Variants in ACSL1 observed in about 807,000 individuals in gnomAD.
ACSL1 encodes long-chain-fatty-acid--CoA ligase 1.
ACSL1 carries 41 observed loss-of-function variants against 98.4 expected under a neutral mutation model. That is an observed-to-expected ratio of 0.42 (90% confidence interval 0.32 to 0.54). The LOEUF (loss-of-function observed/expected upper bound fraction) is 0.54. ACSL1 is among the 20% of genes least tolerant of loss of function. The pLI, the probability that ACSL1 is intolerant of heterozygous loss-of-function variation, is 0.13. For synonymous variants in ACSL1, 316 were observed against 322.7 expected (o/e 0.98, Z 0.22); for missense variants, 734 against 883.1 (o/e 0.83, Z 2.14).
At position 184,763,190 on chromosome 4, in the gene ACSL1, T is replaced by C. The variant is rs769235113; in HGVS notation, c.1498A>G (p.Met500Val). The C allele has an allele frequency of 1.9e-6, 3 of 1,613,874 alleles. No homozygotes were observed. The highest frequency in any genetic ancestry group is 2.5e-6 in the Non-Finnish European group (3 of 1,179,998). Residue 500 changes from methionine (M) to valine (V), a missense_variant, in exon 16 of 21, where the codon ATG becomes GTG. Coordinates refer to ENST00000281455, the MANE Select transcript of ACSL1 (RefSeq NM_001995.5). ...KLVDVEEMNYMAAEGEGEVCV... is the reference protein window; with the variant it reads ...KLVDVEEMNYVAAEGEGEVCV... The stretch of plus-strand genomic sequence containing the variant: ...ACCTCGCCCTCGCCCTCGGCAGCCA[T>C]GTAATTCATTTCTTCCACATCAACA...
intron 1 of ACSL1, among the ~76,000 whole-genome samples, chr4:184,816,168 C>G (rs1772615663): frequency 6.6e-6 from 1 of 151,840 alleles, no homozygotes; most frequent in Admixed American, 6.6e-5. Flanking sequence ...TAATCACAGG[C>G]TATGAGGTTC....
chr4:184,777,149 G>A (rs908024830), intron 5 of ACSL1, among the ~76,000 whole-genome samples, 166 bp from the exon 6 acceptor site: 1 of 152,204 alleles, frequency 6.6e-6, no homozygotes, highest in African/African-American at 2.4e-5. Flanking sequence ...TTCAGAATGA[G>A]AACAAAACAC....
chr4:184,774,905 T>C (rs1765055430), intron 7 of ACSL1, among the ~76,000 whole-genome samples: 1 of 152,256 alleles, frequency 6.6e-6, no homozygotes, highest in African/African-American at 2.4e-5. Flanking sequence ...GCAATAATTC[T>C]GTACATTTTT....
chr4:184,805,517 A>T (rs1223206800), intron 1 of ACSL1: 8 of 985,522 alleles, frequency 8.1e-6, no homozygotes, highest in Non-Finnish European at 9.6e-6. Context: ...CACTTAACAA[A>T]ACCACTCACC....
chr4:184,763,118 G>T (rs772853841), intron 16 of ACSL1, 49 bp downstream of exon 16: 15 of 1,590,026 alleles, frequency 9.4e-6, no homozygotes, highest in African/African-American at 1.4e-5. Context: ...AAAGGCCAGC[G>T]ATCACAGGAA....
Position 184,766,891 on chromosome 4 carries a change from C to T in ACSL1, c.1129-135G>A. 3.1e-6 allele frequency: 3 copies of T among 976,088 alleles called. No homozygotes were observed. Among genetic ancestry groups the T allele is most frequent in the South Asian group, 1.7e-5 (1 of 59,984 alleles). 60.5% of individuals were successfully genotyped at this position (976,088 alleles called of 1,614,324 possible). On this transcript the variant is annotated intron_variant, in intron 12 of 20. Transcript: ENST00000281455. The surrounding 1 kb of genome is among the most constrained non-coding windows in gnomAD (Gnocchi z 4.8). ...AGCTGCTCTGACAGCCTGGCCGGTC[C>T]TCTAACGGCCCCACATGGTCAGCAC...
intron 1 of ACSL1, chr4:184,815,000 G>A (rs1357770982): frequency 2.2e-6 from 1 of 455,928 alleles, no homozygotes; most frequent in Non-Finnish European, 4.4e-6. Flanking sequence ...ATACTTACAA[G>A]GTTTTCTTTG....
chr4:184,758,511 G>C (rs1269813189), intron 18 of ACSL1: 1 of 152,278 alleles, frequency 6.6e-6, no homozygotes, highest in Non-Finnish European at 1.5e-5. Context: ...AGCTATGACT[G>C]CCATTACACT....
At chr4:184,768,295 A>G (rs1474148535) in intron 12 of ACSL1, 21 bp downstream of exon 12, 4 of 1,607,180 alleles carry the variant, frequency 2.5e-6, no homozygotes, top group Non-Finnish European at 3.4e-6. Context: ...CAGTCCTGGG[A>G]CTTCGCTGCT....
intron 17 of ACSL1, among the ~76,000 whole-genome samples, chr4:184,760,752 G>A (rs750972673): frequency 7.2e-5 from 11 of 152,300 alleles, no homozygotes; most frequent in South Asian, 6.2e-4. Flanking sequence ...CTTATTCAGC[G>A]TCACCACTTG....
chr4:184,784,892 G>A (rs1203594715), intron 3 of ACSL1, among the ~76,000 whole-genome samples: 1 of 152,128 alleles, frequency 6.6e-6, no homozygotes, highest in South Asian at 2.1e-4. Context: ...AGCTATTCTC[G>A]GACCCTCTCC....
chr4:184,757,967 C>T lies in ACSL1; in HGVS notation c.1783-47G>A, dbSNP rs754743339. On this transcript the variant is annotated intron_variant, in intron 18 of 20. Transcript: ENST00000281455. The surrounding 1 kb of genome is among the most constrained non-coding windows in gnomAD (Gnocchi z 4.5). ...TATTACATAGCTTGATCCAAATGCT[C>T]TAAAATAGTGGTTCTTTATTTTTCC... The T allele has an allele frequency of 6.4e-7, 1 of 1,555,706 alleles. No homozygotes were observed. The highest frequency in any genetic ancestry group is 8.9e-7 in the Non-Finnish European group (1 of 1,129,472).
chr4:184,771,160 T>A (rs894957822), intron 10 of ACSL1, among the ~76,000 whole-genome samples: 5 of 151,922 alleles, frequency 3.3e-5, no homozygotes, highest in Non-Finnish European at 7.4e-5. Flanking sequence ...TCAAACAAAG[T>A]GGAAGTCACT....
chr4:184,811,356 C>CAG (rs1772085257), intron 1 of ACSL1, among the ~76,000 whole-genome samples: 1 of 152,112 alleles, frequency 6.6e-6, no homozygotes, highest in African/African-American at 2.4e-5. Flanking sequence ...TTGTGATCTG[C>CAG]CCGCCTTGGC....
chr4:184,826,175 C>G (rs912737958), upstream of ACSL1: 8 of 149,460 alleles, frequency 5.4e-5, no homozygotes, highest in African/African-American at 1.5e-4. Flanking sequence ...GCCCTCCTGT[C>G]TGGGCGCGCG....
rs1217147300 is a variant in ACSL1, at chr4:184,756,724, C to G, written c.*401G>C. On this transcript the variant is annotated 3_prime_UTR_variant, in exon 21 of 21. Transcript: ENST00000281455. ...CTCTAGTGCACTGTACTCTTTAGAGCAGCAGACAGCTGCAGAATTTGCAGC... is the reference window on the plus strand; with the variant it reads ...CTCTAGTGCACTGTACTCTTTAGAGGAGCAGACAGCTGCAGAATTTGCAGC... 1 of 161,988 alleles carries G rather than the reference C, an allele frequency of 6.2e-6. No individual in the cohort carries two copies. The highest frequency in any genetic ancestry group is 2.4e-5 in the African/African-American group (1 of 41,656). 10.0% of individuals were successfully genotyped at this position (161,988 alleles called of 1,614,324 possible).
chr4:184,784,717 T>C (rs556975223), intron 3 of ACSL1, among the ~76,000 whole-genome samples: 13 of 152,076 alleles, frequency 8.5e-5, no homozygotes, highest in Non-Finnish European at 1.5e-4. Context: ...CCTAAGGAAG[T>C]AGGATGGAAG....
chr4:184,788,572 G>T, intron 3 of ACSL1, 45 bp downstream of exon 3: 1 of 1,482,778 alleles, frequency 6.7e-7, no homozygotes, highest in Non-Finnish European at 9.4e-7. Context: ...CGTTCTTCAT[G>T]AAACACGGCG....
At chr4:184,804,074 T>C (rs1221811997) in intron 1 of ACSL1, among the ~76,000 whole-genome samples, 1 of 152,244 alleles carries the variant, frequency 6.6e-6, no homozygotes, top group African/African-American at 2.4e-5. Flanking sequence ...TTTCACCTTC[T>C]GTACTCCTCA....
Sources: gnomAD v4.1 joint callset for allele counts (sites outside exome capture counted in the v4.1 genomes callset) on GRCh38, gnomAD v4.1.1 for gene constraint, Gnocchi (gnomAD v3.1) non-coding constraint, MANE v1.5 for transcripts, NCBI Gene and HGNC (gene_info 2026-07-23, HGNC 2026-07-21) for gene names.